Variants in DYSF observed in about 807,000 individuals in gnomAD.
The protein encoded by DYSF is dysferlin.
Under a neutral mutation model 274.9 loss-of-function variants are expected in DYSF, and 212 were observed. The observed-to-expected ratio is 0.77, with a 90% confidence interval of 0.69 to 0.86. The LOEUF (loss-of-function observed/expected upper bound fraction) is 0.86, where lower values mean the gene tolerates loss of function less well. Ranked by LOEUF, DYSF falls within the 40% of genes least tolerant of loss-of-function variation. The pLI, the probability that DYSF is intolerant of heterozygous loss-of-function variation, is 0.00. For missense variants in DYSF, 2,666 were observed against 2,783.2 expected, an observed-to-expected ratio of 0.96 and a Z score of 0.95; for synonymous variants, 1,091 against 1,078.7, an observed-to-expected ratio of 1.01 and a Z score of -0.22.
At chr2:71,528,423 G>A (rs1193996542) in intron 14 of DYSF, 22 bp downstream of exon 14, 5 of 1,600,296 alleles carry the variant, frequency 3.1e-6, no homozygotes, top group South Asian at 1.1e-5. Flanking sequence ...GGGAGCAGGA[G>A]GGTTCTCTCG....
chr2:71,510,631 G>A (rs777181944), intron 4 of DYSF, among the ~76,000 whole-genome samples: 2 of 152,130 alleles, frequency 1.3e-5, no homozygotes, highest in South Asian at 4.2e-4. Flanking sequence ...TGAGTATGTC[G>A]GGAGCCTTCA....
chr2:71,518,011 A>G (rs1020703552), intron 10 of DYSF, among the ~76,000 whole-genome samples: 4 of 152,100 alleles, frequency 2.6e-5, no homozygotes, highest in African/African-American at 9.7e-5. Flanking sequence ...ATCTTGGGCC[A>G]GTGAGACCCA....
chr2:71,457,496 G>A (rs2081116458), intron 1 of DYSF, among the ~76,000 whole-genome samples: 1 of 152,162 alleles, frequency 6.6e-6, no homozygotes, highest in Admixed American at 6.5e-5. Flanking sequence ...AAAAGGTGGA[G>A]GGGCAGGACC....
At chr2:71,587,919 T>G (rs2093126497) in intron 30 of DYSF, among the ~76,000 whole-genome samples, 1 of 152,032 alleles carries the variant, frequency 6.6e-6, no homozygotes, top group Non-Finnish European at 1.5e-5. Flanking sequence ...CTTTCCCAAG[T>G]GTGTGTTTTG....
intron 30 of DYSF, 85 bp from the exon 31 acceptor site, chr2:71,589,508 C>T: frequency 9.3e-7 from 1 of 1,072,248 alleles, no homozygotes; most frequent in Non-Finnish European, 1.5e-6. Flanking sequence ...TCTCCTGGCC[C>T]TGGGGATCTA....
intron 51 of DYSF, among the ~76,000 whole-genome samples, chr2:71,673,335 C>T (rs770046599): frequency 3.9e-5 from 6 of 152,218 alleles, no homozygotes; most frequent in Non-Finnish European, 5.9e-5. Flanking sequence ...CTCCATGAAG[C>T]CTCAGTGGGA....
intron 33 of DYSF, among the ~76,000 whole-genome samples, chr2:71,599,898 T>C (rs1268208424): frequency 1.3e-5 from 2 of 152,068 alleles, no homozygotes; most frequent in African/African-American, 2.4e-5. Flanking sequence ...GGATGCAACG[T>C]TGGGGTGCTT....
At chr2:71,634,258 C>T (rs1482066907) in intron 41 of DYSF, among the ~76,000 whole-genome samples, 1 of 152,176 alleles carries the variant, frequency 6.6e-6, no homozygotes, top group East Asian at 1.9e-4. Flanking sequence ...CTTTTTCCTC[C>T]TTGCCATGTT....
Position 71,660,577 on chromosome 2 carries a change from G to T in DYSF, c.4929G>T (p.Lys1643Asn). The T allele has an allele frequency of 6.2e-7, 1 of 1,614,044 alleles. No homozygotes were observed. Among genetic ancestry groups the T allele is most frequent in the South Asian group, 1.1e-5 (1 of 91,068 alleles). ...DPNGKCDPYI[K>N]ISIGKKSVSD... is the part of the protein sequence containing the mutation. ...TCCTCCAGTGTGATCCTTACATCAA[G>T]ATCTCCATAGGGAAGAAATCAGTGA... is the stretch of plus-strand genomic sequence containing the variant. The change falls in exon 45 of 56, where the codon AAG becomes AAT. Residue 1643 changes from lysine (K) to asparagine (N), a missense_variant. Physicochemically the swap from Lys to Asn is moderately conservative, Grantham distance 94 (BLOSUM62 0). Coordinates refer to ENST00000410020, the MANE Select transcript of DYSF (RefSeq NM_001130987.2).
Position 71,466,811 on chromosome 2 carries a change from G to T in DYSF, c.-32G>T. On this transcript the variant is annotated 5_prime_UTR_variant, in exon 1 of 56. Transcript: ENST00000410020. ...CGGTGCTCCCGCTCCCGCCCTGACT[G>T]CGCGCCTGTGTGCCGCCGGGGCTGC... 1 of 1,498,358 alleles carries T rather than the reference G, an allele frequency of 6.7e-7. No individual in the cohort carries two copies. Among genetic ancestry groups the T allele is most frequent in the Non-Finnish European group, 9.0e-7 (1 of 1,110,382 alleles). The allele number at this position is 1,498,358 out of a possible 1,614,324, so 92.8% of individuals were successfully genotyped here.
At chr2:71,574,162 C>T (rs777738505) in intron 29 of DYSF, 36 bp from the exon 30 acceptor site, 3 of 1,609,194 alleles carry the variant, frequency 1.9e-6, no homozygotes, top group Non-Finnish European at 2.5e-6. Context: ...CCCAGCCTTC[C>T]CACCGGCCTC....
upstream of DYSF, among the ~76,000 whole-genome samples, chr2:71,466,505 C>G (rs1462264739): frequency 6.6e-6 from 1 of 152,172 alleles, no homozygotes; most frequent in Non-Finnish European, 1.5e-5. Flanking sequence ...TGCGCGCCCG[C>G]GTCAGCGGCG....
chr2:71,551,824 T>A, intron 19 of DYSF, 104 bp downstream of exon 19: 1 of 908,468 alleles, frequency 1.1e-6, no homozygotes, highest in Non-Finnish European at 1.7e-6. Context: ...GAGGAAGCTC[T>A]GCCCACACGC....
chr2:71,587,575 G>A (rs943263875), intron 30 of DYSF, among the ~76,000 whole-genome samples: 13 of 152,186 alleles, frequency 8.5e-5, no homozygotes, highest in African/African-American at 3.1e-4. Context: ...TGTGAACCAG[G>A]AAGTGTGCTA....
intron 1 of DYSF, among the ~76,000 whole-genome samples, chr2:71,460,263 A>C (rs1485736877): frequency 6.6e-6 from 1 of 152,156 alleles, no homozygotes; most frequent in African/African-American, 2.4e-5. Context: ...CTCTGTCTAT[A>C]TTCCAGCCAG....
At position 71,561,821 on chromosome 2, in the gene DYSF, C is replaced by T; in HGVS notation, c.2286C>T (p.Arg762=). The T allele has an allele frequency of 6.2e-7, 1 of 1,614,220 alleles. No individual in the cohort carries two copies. The highest frequency in any genetic ancestry group is 8.5e-7 in the Non-Finnish European group (1 of 1,180,032). ...TGGACCAGTACCTGTACCAGCTGCG[C>T]ACCCATCACCTGAGCCAAATCACTG... ...THLDQYLYQL[R]THHLSQITEA... Residue 762 remains arginine, a synonymous_variant, in exon 23 of 56, where the codon CGC becomes CGT. Coordinates refer to ENST00000410020, the MANE Select transcript of DYSF (RefSeq NM_001130987.2).
At chr2:71,627,746 A>T (rs150444206) in intron 41 of DYSF, among the ~76,000 whole-genome samples, 1 of 152,096 alleles carries the variant, frequency 6.6e-6, no homozygotes, top group South Asian at 2.1e-4. Flanking sequence ...GATGCTCTCT[A>T]TATTTTTTCT....
chr2:71,668,727 G>A (rs1467499369), intron 48 of DYSF, 27 bp from the exon 49 acceptor site: 1 of 1,607,572 alleles, frequency 6.2e-7, no homozygotes, highest in Non-Finnish European at 8.5e-7. Context: ...GAGAAGGGTG[G>A]GGAGAGAACG....
chr2:71,453,569 G>A (rs987172506), exon 1 of DYSF, among the ~76,000 whole-genome samples: 1 of 152,244 alleles, frequency 6.6e-6, no homozygotes, highest in Non-Finnish European at 1.5e-5. Context: ...CTGTCCAAGA[G>A]CGAGATCTGG....
Sources: gnomAD v4.1 joint callset for allele counts (sites outside exome capture counted in the v4.1 genomes callset) on GRCh38, gnomAD v4.1.1 for gene constraint, MANE v1.5 for transcripts, NCBI Gene and HGNC (gene_info 2026-07-23, HGNC 2026-07-21) for gene names.